DAZAP2: variants seen among roughly 807,000 people sequenced by gnomAD.
DAZAP2 encodes DAZ-associated protein 2.
Under a neutral mutation model 16.2 loss-of-function variants are expected in DAZAP2, and 3 were observed. The ratio of observed to expected loss-of-function variants is 0.19; its 90% CI spans 0.08 to 0.48. The LOEUF is 0.48. Among genes scored for constraint, DAZAP2 ranks in the 20% least tolerant of loss-of-function variants. The pLI, the probability that DAZAP2 is intolerant of heterozygous loss-of-function variation, is 0.98. For synonymous variants in DAZAP2, 69 were observed against 77.6 expected (o/e 0.89, Z 0.58); for missense variants, 172 against 215.9 (o/e 0.80, Z 1.27).
At chr12:51,243,976 T>C, downstream of DAZAP2, 1 of 961,996 alleles carries the variant, frequency 1.0e-6, no homozygotes, top group Non-Finnish European at 1.2e-6. Flanking sequence ...GTTCAACTTT[T>C]CATCATTTTA....
chr12:51,240,587 A>G (rs982439790), intron 2 of DAZAP2, 126 bp downstream of exon 2: 11 of 1,029,060 alleles, frequency 1.1e-5, no homozygotes, highest in Admixed American at 4.9e-5. Context: ...CTAAAACACT[A>G]TATAATTTGG....
At chr12:51,244,106 A>G (rs1168023590), downstream of DAZAP2, among the ~76,000 whole-genome samples, 2 of 152,254 alleles carry the variant, frequency 1.3e-5, no homozygotes, top group Non-Finnish European at 2.9e-5. Context: ...AGCAATTTGT[A>G]TACGTTGAGG....
chr12:51,240,184 C>T (rs867178200), intron 1 of DAZAP2, 159 bp from the exon 2 acceptor site: 19 of 656,672 alleles, frequency 2.9e-5, no homozygotes, highest in Admixed American at 4.9e-5. Flanking sequence ...GGTGCAAAGA[C>T]AATGCATATT....
downstream of DAZAP2, chr12:51,244,984 C>T (rs977683162): frequency 2.6e-5 from 4 of 152,214 alleles, no homozygotes; most frequent in Non-Finnish European, 5.9e-5. Context: ...GCCACCACGC[C>T]CAGCTATTTT....
Position 51,242,847 on chromosome 12 carries a change from C to G in DAZAP2, c.*389C>G. ...AAGTTGCCAAATTATTCTGATTGGT[C>G]TTTAATCTCCTTTAAGTCTTTGATA... On this transcript the variant is annotated 3_prime_UTR_variant, in exon 4 of 4. Coordinates refer to ENST00000412716, the MANE Select transcript of DAZAP2 (RefSeq NM_014764.4). 3 of 1,371,742 alleles carry G rather than the reference C, an allele frequency of 2.2e-6. No homozygotes were observed. The highest frequency in any genetic ancestry group is 2.8e-6 in the Non-Finnish European group (3 of 1,068,172). 85.0% of individuals were successfully genotyped at this position (1,371,742 alleles called of 1,614,324 possible). A position where few individuals can be genotyped will look rare whatever the true frequency, so the allele number is the denominator to read the frequency against.
In DAZAP2 at chr12:51,242,596, T is replaced by C; in HGVS notation, c.*138T>C. On this transcript the variant is annotated 3_prime_UTR_variant, in exon 4 of 4. Coordinates refer to ENST00000412716, the MANE Select transcript of DAZAP2 (RefSeq NM_014764.4). Reference sequence around the variant, plus strand: ...GGGGTGTCTTTCTGGTGCCCAAACTTTCAGGCACTTTTCAAATTTAATAAG... The same window carrying C: ...GGGGTGTCTTTCTGGTGCCCAAACTCTCAGGCACTTTTCAAATTTAATAAG... 1 of 1,595,090 alleles carries C rather than the reference T, an allele frequency of 6.3e-7. No individual in the cohort carries two copies. The highest frequency in any genetic ancestry group is 8.5e-7 in the Non-Finnish European group (1 of 1,170,604).
chr12:51,240,245 C>G (rs889094542), intron 1 of DAZAP2, 98 bp from the exon 2 acceptor site: 2 of 879,946 alleles, frequency 2.3e-6, no homozygotes, highest in Admixed American at 3.6e-5. Flanking sequence ...TGCAAATCCC[C>G]TTCTGCTTGC....
downstream of DAZAP2, chr12:51,244,961 ACTATGGGCGC>A (rs1944746356): frequency 6.6e-6 from 1 of 151,506 alleles, no homozygotes; most frequent in South Asian, 2.1e-4. Flanking sequence ...AGCAGCTGGG[ACTATGGGCGC>A]CCGCCACCAC....
At chr12:51,246,273 A>C (rs1481950174), downstream of DAZAP2, 1 of 1,096,676 alleles carries the variant, frequency 9.1e-7, no homozygotes, top group African/African-American at 1.6e-5. Flanking sequence ...TCCCCCACCA[A>C]CCCCAATTTC....
rs1460707075 is a variant in DAZAP2 at position 51,243,847 on chromosome 12, A to G, written c.*1389A>G. ...GATTTCTTCTATATATATTTTATTT[A>G]TATCCCATCTAGAATTCAGCTAGGT... On this transcript the variant is annotated 3_prime_UTR_variant, in exon 4 of 4. Transcript: ENST00000412716. The G allele has an allele frequency of 3.0e-6, 3 of 985,016 alleles. No individual in the cohort carries two copies. The highest frequency in any genetic ancestry group is 3.6e-6 in the Non-Finnish European group (3 of 829,648). The allele number at this position is 985,016 out of a possible 1,614,324, so 61.0% of individuals were successfully genotyped here.
At position 51,238,864 on chromosome 12, in the gene DAZAP2, A is replaced by C. The variant is rs1592224582; in HGVS notation, c.-44A>C. 9.3e-6 allele frequency: 15 copies of C among 1,612,844 alleles called. No homozygotes were observed. The East Asian group carries it at 3.3e-4, about 36-fold the overall frequency. On this transcript the variant is annotated 5_prime_UTR_variant, in exon 1 of 4. Transcript: ENST00000412716. ...CTCCGAACAGGAAGAGGACGAAAAAAATAACCGTCCGCGACGCCGAGACAA... is the reference window on the plus strand; with the variant it reads ...CTCCGAACAGGAAGAGGACGAAAAACATAACCGTCCGCGACGCCGAGACAA...
At position 51,243,852 on chromosome 12, in the gene DAZAP2, C is replaced by T. The variant is rs1944726972; in HGVS notation, c.*1394C>T. The T allele has an allele frequency of 1.0e-6, 1 of 984,894 alleles. No homozygotes were observed. The highest frequency in any genetic ancestry group is 6.2e-5 in the Admixed American group (1 of 16,242). The allele number at this position is 984,894 out of a possible 1,614,324, so 61.0% of individuals were successfully genotyped here. A position where few individuals can be genotyped will look rare whatever the true frequency, so the allele number is the denominator to read the frequency against. Reference sequence around the variant, plus strand: ...CTTCTATATATATTTTATTTATATCCCATCTAGAATTCAGCTAGGTGCTGC... The same window carrying T: ...CTTCTATATATATTTTATTTATATCTCATCTAGAATTCAGCTAGGTGCTGC... On this transcript the variant is annotated 3_prime_UTR_variant, in exon 4 of 4. Coordinates refer to ENST00000412716, the MANE Select transcript of DAZAP2 (RefSeq NM_014764.4).
At chr12:51,244,539 G>A (rs1361123134), downstream of DAZAP2, 1 of 152,324 alleles carries the variant, frequency 6.6e-6, no homozygotes, top group East Asian at 1.9e-4. Flanking sequence ...GTTTGAGCTT[G>A]GACAACAGAG....
chr12:51,246,260 T>C (rs1178426300), downstream of DAZAP2: 1 of 1,267,368 alleles, frequency 7.9e-7, no homozygotes, highest in Non-Finnish European at 1.1e-6. Context: ...TCCAAACCCA[T>C]GTTCCCCCAC....
Position 51,242,644 on chromosome 12 carries a change from C to A in DAZAP2, c.*186C>A. The stretch of plus-strand genomic sequence containing the variant: ...AAGGAACCATGTAATGGTAGCAGTA[C>A]CTCCCTAAAGCATTTTGAGGTAGGG... On this transcript the variant is annotated 3_prime_UTR_variant, in exon 4 of 4. Coordinates refer to ENST00000412716, the MANE Select transcript of DAZAP2 (RefSeq NM_014764.4). 6.4e-7 allele frequency: 1 copy of A among 1,551,200 alleles called. No homozygotes were observed. The highest frequency in any genetic ancestry group is 8.7e-7 in the Non-Finnish European group (1 of 1,146,964).
At chr12:51,246,393 C>T (rs569171642), downstream of DAZAP2, 23 of 476,804 alleles carry the variant, frequency 4.8e-5, no homozygotes, top group South Asian at 2.4e-4. Flanking sequence ...CTTAAAGAAA[C>T]GGGAAGGAGG....
At chr12:51,241,713 G>C (rs1419844127) in intron 3 of DAZAP2, among the ~76,000 whole-genome samples, 1 of 152,068 alleles carries the variant, frequency 6.6e-6, no homozygotes, top group Non-Finnish European at 1.5e-5. Context: ...CTGAGGTCAG[G>C]AGTTTGAGAC....
At position 51,238,848 on chromosome 12, in the gene DAZAP2, G is replaced by C. The variant is rs959733520; in HGVS notation, c.-60G>C. 2 of 1,611,768 alleles carry C rather than the reference G, an allele frequency of 1.2e-6. No individual in the cohort carries two copies. Among genetic ancestry groups the C allele is most frequent in the African/African-American group, 1.3e-5 (1 of 74,906 alleles). On this transcript the variant is annotated 5_prime_UTR_variant, in exon 1 of 4. Coordinates refer to ENST00000412716, the MANE Select transcript of DAZAP2 (RefSeq NM_014764.4). The stretch of plus-strand genomic sequence containing the variant: ...TGTGACACGGAAGTAGCTCCGAACA[G>C]GAAGAGGACGAAAAAAATAACCGTC...
At chr12:51,246,268 C>G (rs1237944695), downstream of DAZAP2, 6 of 1,132,424 alleles carry the variant, frequency 5.3e-6, no homozygotes, top group Middle Eastern at 2.9e-4. Context: ...CATGTTCCCC[C>G]ACCAACCCCA....
Sources: allele counts gnomAD v4.1 joint callset (sites outside exome capture counted in the v4.1 genomes callset), GRCh38; gene constraint gnomAD v4.1.1; transcripts MANE v1.5; gene names NCBI Gene and HGNC (gene_info 2026-07-23, HGNC 2026-07-21).